JAZF1: variants seen among roughly 807,000 people sequenced by gnomAD.
JAZF1 encodes JAZF zinc finger 1, also known as juxtaposed with another zinc finger protein 1.
Under a neutral mutation model 26.4 loss-of-function variants are expected in JAZF1, and 8 were observed. The observed-to-expected ratio is 0.30, with a 90% CI of 0.18 to 0.55. The LOEUF (loss-of-function observed/expected upper bound fraction) is 0.55. Among genes scored for constraint, JAZF1 ranks in the 20% least tolerant of loss-of-function variants. The pLI is 0.94. For synonymous variants in JAZF1, 126 were observed against 122.3 expected (o/e 1.03, Z -0.20); for missense variants, 199 against 322.0 (o/e 0.62, Z 2.92).
At chr7:28,061,403 A>G (rs958772304) in intron 1 of JAZF1, among the ~76,000 whole-genome samples, 1 of 152,246 alleles carries the variant, frequency 6.6e-6, no homozygotes, top group Non-Finnish European at 1.5e-5. Flanking sequence ...AAGAAAGTAC[A>G]CAAAACACAT....
At chr7:28,173,621 A>G (rs1461083415) in intron 1 of JAZF1, among the ~76,000 whole-genome samples, 5 of 152,140 alleles carry the variant, frequency 3.3e-5, no homozygotes, top group African/African-American at 1.2e-4. Context: ...TGTCCCTTCA[A>G]GGAGGTCTAT....
At chr7:28,090,176 AT>A (rs1164845440) in intron 1 of JAZF1, among the ~76,000 whole-genome samples, 3 of 152,236 alleles carry the variant, frequency 2.0e-5, no homozygotes, top group African/African-American at 7.2e-5. Context: ...CAGTTTAATG[AT>A]TGAACCTACC....
chr7:28,036,951 T>C (rs776161111), intron 1 of JAZF1, among the ~76,000 whole-genome samples: 11 of 152,156 alleles, frequency 7.2e-5, no homozygotes, highest in Non-Finnish European at 1.2e-4. Context: ...CAGATGCCAA[T>C]CTTTTGGCTC....
chr7:28,062,435 G>A (rs1464914815), intron 1 of JAZF1, among the ~76,000 whole-genome samples: 1 of 152,064 alleles, frequency 6.6e-6, no homozygotes. Context: ...CTCCAGTCTT[G>A]TGTGCAGAGC....
intron 1 of JAZF1, among the ~76,000 whole-genome samples, chr7:28,145,331 C>T (rs1308676297): frequency 6.6e-6 from 1 of 152,148 alleles, no homozygotes; most frequent in Non-Finnish European, 1.5e-5. Flanking sequence ...GAGGTCATGC[C>T]TCCCAAAATA....
chr7:28,096,726 C>T (rs35677104), intron 1 of JAZF1, among the ~76,000 whole-genome samples: 2,451 of 151,892 alleles, frequency 0.016, 28 homozygotes, highest in Admixed American at 0.028. Context: ...GCATCTATAT[C>T]TCAAATAAAG....
At chr7:27,912,068 C>G (rs1784367391) in intron 2 of JAZF1, among the ~76,000 whole-genome samples, 1 of 152,072 alleles carries the variant, frequency 6.6e-6, no homozygotes, top group African/African-American at 2.4e-5. Flanking sequence ...GTACTGGGAG[C>G]TGAAAAATGT....
chr7:28,121,195 A>AAAAAT (rs58076112), intron 1 of JAZF1, among the ~76,000 whole-genome samples: 3 of 150,454 alleles, frequency 2.0e-5, no homozygotes, highest in Non-Finnish European at 4.4e-5. Flanking sequence ...CGAAAAAAAA[A>AAAAAT]GAAAAAGAAA....
intron 2 of JAZF1, among the ~76,000 whole-genome samples, chr7:27,978,683 G>C (rs1310584650): frequency 6.6e-6 from 1 of 152,156 alleles, no homozygotes; most frequent in Non-Finnish European, 1.5e-5. Context: ...TCAAGAAAAA[G>C]TGCTCTGGAA....
chr7:28,075,213 T>C (rs1784032442), intron 1 of JAZF1, among the ~76,000 whole-genome samples: 1 of 152,140 alleles, frequency 6.6e-6, no homozygotes, highest in Non-Finnish European at 1.5e-5. Flanking sequence ...CACAGGGCTG[T>C]TGGCAGCATT....
At chr7:27,983,502 T>C (rs961126544) in intron 2 of JAZF1, among the ~76,000 whole-genome samples, 4 of 151,910 alleles carry the variant, frequency 2.6e-5, no homozygotes, top group Non-Finnish European at 4.4e-5. Flanking sequence ...ACGGGGAGAA[T>C]AGAACCAAAC....
At chr7:27,955,878 C>A (rs1785080388) in intron 2 of JAZF1, among the ~76,000 whole-genome samples, 1 of 152,176 alleles carries the variant, frequency 6.6e-6, no homozygotes, top group African/African-American at 2.4e-5. Context: ...AGGCTTGAAT[C>A]TGCACTGTGA....
intron 3 of JAZF1, among the ~76,000 whole-genome samples, chr7:27,872,058 A>C (rs1239647324): frequency 6.6e-6 from 1 of 152,224 alleles, no homozygotes; most frequent in Admixed American, 6.5e-5. Context: ...GAGCGCCCAT[A>C]GTCTCTGGAA....
chr7:27,953,531 G>A lies in JAZF1; in HGVS notation c.188+38378C>T, dbSNP rs188958723. Reference sequence around the variant, plus strand: ...CTTTGAGAGGATGAGAGGGCAGTAGGCTTCAAAAGGTTCTGTGGTTTGGCT... The same window carrying A: ...CTTTGAGAGGATGAGAGGGCAGTAGACTTCAAAAGGTTCTGTGGTTTGGCT... On this transcript the variant is annotated intron_variant, in intron 2 of 4. Transcript: ENST00000283928. 1.4e-3 allele frequency among the ~76,000 whole-genome samples: 209 copies of A among 152,270 alleles called. 1 individual carries two copies. The highest frequency in any genetic ancestry group is 4.9e-3 in the African/African-American group (205 of 41,542).
chr7:28,083,095 G>T (rs576191356), intron 1 of JAZF1, among the ~76,000 whole-genome samples: 1 of 152,182 alleles, frequency 6.6e-6, no homozygotes, highest in South Asian at 2.1e-4. Context: ...CCTCTACCTG[G>T]CTGGGGCCAT....
At chr7:28,017,448 G>A (rs1038174302) in intron 1 of JAZF1, among the ~76,000 whole-genome samples, 6 of 151,558 alleles carry the variant, frequency 4.0e-5, no homozygotes, top group East Asian at 1.9e-4. Context: ...GGCTGTTTTC[G>A]GCTTCTTCCA....
intron 1 of JAZF1, among the ~76,000 whole-genome samples, chr7:28,051,175 CTG>C (rs1491524877): frequency 1.5e-5 from 2 of 137,586 alleles, no homozygotes; most frequent in Non-Finnish European, 3.2e-5. Flanking sequence ...ACTACTATAA[CTG>C]TTTTTTTTTA....
At chr7:28,025,985 G>A (rs1197524423) in intron 1 of JAZF1, among the ~76,000 whole-genome samples, 3 of 152,130 alleles carry the variant, frequency 2.0e-5, no homozygotes, top group African/African-American at 7.2e-5. Context: ...CCAAACTATT[G>A]GGACACAGTG....
chr7:27,895,156 A>G (rs1784038168), intron 3 of JAZF1, 64 bp downstream of exon 3: 7 of 1,156,526 alleles, frequency 6.1e-6, no homozygotes, highest in African/African-American at 3.1e-5. Context: ...CCCCCAGCAC[A>G]TCACACACAC....
Sources: allele counts gnomAD v4.1 joint callset (sites outside exome capture counted in the v4.1 genomes callset), GRCh38; gene constraint gnomAD v4.1.1; transcripts MANE v1.5; gene names NCBI Gene and HGNC (gene_info 2026-07-23, HGNC 2026-07-21).